Variants in FHOD3 observed in about 807,000 individuals in gnomAD.
The protein encoded by FHOD3 is formin homology 2 domain containing 3.
A neutral mutation model predicts 173.0 loss-of-function variants in FHOD3; 90 were observed. The ratio of observed to expected loss-of-function variants is 0.52; its 90% CI spans 0.44 to 0.62. FHOD3 has a LOEUF of 0.62. FHOD3 is among the 20% of genes least tolerant of loss of function. FHOD3 has a pLI of 0.00. For synonymous variants in FHOD3, 828 were observed against 823.0 expected (o/e 1.01, Z -0.10); for missense variants, 1,945 against 2,034.7 (o/e 0.96, Z 0.85).
chr18:36,533,049 C>T (rs1443338829), intron 5 of FHOD3, among the ~76,000 whole-genome samples: 1 of 152,178 alleles, frequency 6.6e-6, no homozygotes, highest in African/African-American at 2.4e-5. Flanking sequence ...CCACTTGGCC[C>T]TCTGCACAAT....
intron 3 of FHOD3, among the ~76,000 whole-genome samples, chr18:36,475,787 C>T (rs1599290508): frequency 2.5e-5 from 3 of 121,076 alleles, no homozygotes; most frequent in South Asian, 6.0e-4. Flanking sequence ...CACACACACA[C>T]ACACACACGC....
chr18:36,741,356 T>C (rs2041893167), intron 21 of FHOD3, among the ~76,000 whole-genome samples: 1 of 152,130 alleles, frequency 6.6e-6, no homozygotes, highest in Admixed American at 6.5e-5. Context: ...CTCTCTGGAA[T>C]AGGGCAGTGG....
intron 20 of FHOD3, among the ~76,000 whole-genome samples, chr18:36,737,253 C>A (rs2041681317): frequency 6.6e-6 from 1 of 152,170 alleles, no homozygotes; most frequent in Non-Finnish European, 1.5e-5. Context: ...CAACAAAATT[C>A]ATCACAGGAA....
intron 3 of FHOD3, among the ~76,000 whole-genome samples, chr18:36,386,269 C>T (rs1272173325): frequency 2.0e-5 from 3 of 152,130 alleles, no homozygotes; most frequent in African/African-American, 7.2e-5. Flanking sequence ...TGCCTCATCT[C>T]CCTGCATTGA....
intron 5 of FHOD3, among the ~76,000 whole-genome samples, chr18:36,572,831 T>C (rs1375796597): frequency 6.6e-6 from 1 of 152,126 alleles, no homozygotes; most frequent in Non-Finnish European, 1.5e-5. Flanking sequence ...TCTCCCTGTG[T>C]GGTTAGCTGA....
intron 24 of FHOD3, among the ~76,000 whole-genome samples, chr18:36,752,064 G>A (rs965900772): frequency 9.2e-5 from 14 of 152,208 alleles, no homozygotes; most frequent in African/African-American, 3.4e-4. Context: ...TTCACATAAC[G>A]GCAGCAAGGA....
At chr18:36,744,271 C>T (rs1031563994) in intron 23 of FHOD3, 78 bp downstream of exon 23, 18 of 1,477,454 alleles carry the variant, frequency 1.2e-5, no homozygotes, top group South Asian at 6.4e-5. Flanking sequence ...TCGAGGAACA[C>T]GAGCCCTATT....
intron 10 of FHOD3, among the ~76,000 whole-genome samples, chr18:36,626,346 C>T (rs2034106868): frequency 6.6e-6 from 1 of 152,110 alleles, no homozygotes; most frequent in Non-Finnish European, 1.5e-5. Flanking sequence ...CCCTTTGAGC[C>T]TCACGTTTGG....
intron 17 of FHOD3, among the ~76,000 whole-genome samples, chr18:36,700,062 A>G (rs1029175936): frequency 3.0e-4 from 46 of 152,188 alleles, no homozygotes; most frequent in African/African-American, 1.1e-3. Flanking sequence ...TTTGGTTGCA[A>G]TCCTCTCACT....
chr18:36,328,218 G>T (rs184703679), intron 1 of FHOD3, among the ~76,000 whole-genome samples: 45 of 152,336 alleles, frequency 3.0e-4, no homozygotes, highest in African/African-American at 1.0e-3. Flanking sequence ...AAGATAAAAA[G>T]AATAGGTGAA....
chr18:36,353,117 G>T (rs936372778), intron 1 of FHOD3, among the ~76,000 whole-genome samples: 4 of 152,214 alleles, frequency 2.6e-5, no homozygotes, highest in East Asian at 1.9e-4. Flanking sequence ...GTACAGACAG[G>T]TTGGCCAGTT....
chr18:36,475,870 T>C (rs181046203), intron 3 of FHOD3, among the ~76,000 whole-genome samples: 61 of 152,182 alleles, frequency 4.0e-4, no homozygotes, highest in East Asian at 2.9e-3. Flanking sequence ...AATGAATTGC[T>C]TTTGTAATCA....
chr18:36,776,534 C>T lies in FHOD3; in HGVS notation c.4787-2914C>T, dbSNP rs549313805. On this transcript the variant is annotated intron_variant, in intron 28 of 28. Transcript: ENST00000590592. ...TAACAAAGGGAAGGTTTCAGATTCT[C>T]AGGTATTTTTCATTACACCAAGGGG... Among the ~76,000 whole-genome samples, 5 of 152,302 alleles carry T rather than the reference C, an allele frequency of 3.3e-5. No individual in the cohort carries two copies. In the East Asian group the frequency reaches 5.8e-4, roughly 18 times the overall value.
intron 9 of FHOD3, among the ~76,000 whole-genome samples, chr18:36,623,082 A>T (rs1311811592): frequency 6.6e-6 from 1 of 152,224 alleles, no homozygotes; most frequent in Non-Finnish European, 1.5e-5. Context: ...AGAAAGCCCT[A>T]ACTGCATGCC....
chr18:36,709,991 T>G (rs371687097), intron 18 of FHOD3: 6 of 152,598 alleles, frequency 3.9e-5, no homozygotes, highest in African/African-American at 1.4e-4. Flanking sequence ...AACTATTCTT[T>G]TCTTTGTATA....
At chr18:36,475,844 A>AT (rs1190533997) in intron 3 of FHOD3, among the ~76,000 whole-genome samples, 2 of 151,410 alleles carry the variant, frequency 1.3e-5, no homozygotes, top group Admixed American at 6.6e-5. Context: ...AAATTGCAGC[A>AT]TTTTTTCACA....
intron 1 of FHOD3, among the ~76,000 whole-genome samples, chr18:36,324,656 T>C (rs1253913496): frequency 1.3e-5 from 2 of 152,216 alleles, no homozygotes; most frequent in Admixed American, 1.3e-4. Flanking sequence ...AAATTAAAAC[T>C]ATAGTGATAC....
In FHOD3 at chr18:36,625,276, C is replaced by T. The variant is rs946610878; in HGVS notation, c.958-235C>T. On this transcript the variant is annotated intron_variant, in intron 9 of 28. Coordinates refer to ENST00000590592, the MANE Select transcript of FHOD3 (RefSeq NM_001281740.3). ...AGACTCACTGGTCATATTGGCTGCC[C>T]GCTTCGTGTCTGTTTGATGGGAAGA... 2.0e-4 allele frequency among the ~76,000 whole-genome samples: 30 copies of T among 152,278 alleles called. 1 individual carries two copies. Among genetic ancestry groups the T allele is most frequent in the African/African-American group, 7.0e-4 (29 of 41,554 alleles).
chr18:36,709,449 C>A, intron 18 of FHOD3, 58 bp downstream of exon 18: 1 of 1,545,960 alleles, frequency 6.5e-7, no homozygotes, highest in Admixed American at 1.8e-5. Context: ...GGTGCAGGGG[C>A]TGGTTCTCTA....
Sources: gnomAD v4.1 joint callset for allele counts (sites outside exome capture counted in the v4.1 genomes callset) on GRCh38, gnomAD v4.1.1 for gene constraint, MANE v1.5 for transcripts, NCBI Gene and HGNC (gene_info 2026-07-23, HGNC 2026-07-21) for gene names.